Variants in KCNT1 observed in about 807,000 individuals in gnomAD.
The protein encoded by KCNT1 is potassium sodium-activated channel subfamily T member 1.
In KCNT1, 78 loss-of-function variants were observed where a neutral mutation model predicts 147.8. The ratio of observed to expected loss-of-function variants is 0.53; its 90% CI spans 0.44 to 0.64. The LOEUF (loss-of-function observed/expected upper bound fraction) is 0.64, where lower values mean the gene tolerates loss of function less well. KCNT1 is among the 30% of genes least tolerant of loss of function. The probability of loss-of-function intolerance (pLI) is 0.00; values close to 1 mark genes in which losing one functional copy is unlikely to be tolerated. For missense variants in KCNT1, 1,419 were observed against 1,750.3 expected (o/e 0.81, Z 3.38); for synonymous variants, 867 against 748.8 (o/e 1.16, Z -2.58).
chr9:135,759,649 C>T, intron 10 of KCNT1, 30 bp from the exon 11 acceptor site: 3 of 1,570,322 alleles, frequency 1.9e-6, no homozygotes, highest in Non-Finnish European at 2.6e-6. Context: ...TCCTGGGCCC[C>T]AGGCCGCCCC....
chr9:135,744,354 C>T lies in KCNT1; in HGVS notation c.255-5744C>T, dbSNP rs1313040839. 2.0e-5 allele frequency among the ~76,000 whole-genome samples: 3 copies of T among 152,226 alleles called. No individual in the cohort carries two copies. In the South Asian group the frequency reaches 6.2e-4, roughly 31 times the overall value. On this transcript the variant is annotated intron_variant, in intron 2 of 30. Coordinates refer to ENST00000371757, the MANE Select transcript of KCNT1 (RefSeq NM_020822.3). ...GGTGTGGGGGTGGGCACCATGAGAG[C>T]CCCTTTGCAGCACAAGGGCCTCCTC... is the stretch of plus-strand genomic sequence containing the variant.
intron 2 of KCNT1, chr9:135,742,924 G>T: frequency 1.5e-6 from 1 of 681,520 alleles, no homozygotes; most frequent in Non-Finnish European, 2.7e-6. Context: ...CTGCAGCTGG[G>T]CCAGGGCCAC....
chr9:135,727,490 A>T (rs1588273599), intron 2 of KCNT1, among the ~76,000 whole-genome samples: 1 of 132,708 alleles, frequency 7.5e-6, no homozygotes, highest in African/African-American at 2.9e-5. Context: ...CAGTTTCCCC[A>T]CTCTCTGCAG....
chr9:135,752,089 T>G lies in KCNT1; in HGVS notation c.434+1048T>G. On this transcript the variant is annotated intron_variant, in intron 4 of 30. Coordinates refer to ENST00000371757, the MANE Select transcript of KCNT1 (RefSeq NM_020822.3). This position sits in a 1 kb window ranked among gnomAD's most constrained non-coding sequence, Gnocchi z 5.1. ...GTCTGGTGCCGTTTATGCGTAAGAG[T>G]GCTCAGGCGCTGAGGGGCTCTGCAG... 1 of 268,838 alleles carries G rather than the reference T, an allele frequency of 3.7e-6. No homozygotes were observed. The highest frequency in any genetic ancestry group is 7.4e-6 in the Non-Finnish European group (1 of 134,954). 16.7% of individuals were successfully genotyped at this position (268,838 alleles called of 1,614,324 possible). A position where few individuals can be genotyped will look rare whatever the true frequency, so the allele number is the denominator to read the frequency against.
At chr9:135,788,033 G>A (rs1347237578) in intron 29 of KCNT1, 38 of 1,279,774 alleles carry the variant, frequency 3.0e-5, no homozygotes, top group Non-Finnish European at 3.8e-5. Context: ...CCGGCCGCCC[G>A]CACCTCGCTT....
rs761464076 is a variant in KCNT1, at chr9:135,770,273, CCCCTGGCCCCG to C, written c.1620-15_1620-5del. On this transcript the variant is annotated splice_polypyrimidine_tract_variant and intron_variant, in intron 16 of 30. Coordinates refer to ENST00000371757, the MANE Select transcript of KCNT1 (RefSeq NM_020822.3). ...GGCAGCCATGGCCGAGGGTGACGCTCCCCTGGCCCCGCCCTGGCCCACAGGGAGGGACAGGA... is the reference window on the plus strand; with the variant it reads ...GGCAGCCATGGCCGAGGGTGACGCTCCCCTGGCCCACAGGGAGGGACAGGA... 14 of 1,567,720 alleles carry C rather than the reference CCCCTGGCCCCG, an allele frequency of 8.9e-6. No homozygotes were observed. The highest frequency in any genetic ancestry group is 4.7e-5 in the South Asian group (4 of 85,044).
chr9:135,791,943 A>C, intron 30 of KCNT1, 62 bp downstream of exon 30: 1 of 1,610,692 alleles, frequency 6.2e-7, no homozygotes, highest in African/African-American at 1.3e-5. Context: ...CACTGGGGAG[A>C]TGAGGCCACA....
At chr9:135,776,689 C>A (rs1442065012) in intron 20 of KCNT1, among the ~76,000 whole-genome samples, 4 of 152,218 alleles carry the variant, frequency 2.6e-5, no homozygotes, top group African/African-American at 9.7e-5. Flanking sequence ...CCAGCATATT[C>A]TGTGGGTTAT....
intron 25 of KCNT1, among the ~76,000 whole-genome samples, 180 bp from the exon 26 acceptor site, chr9:135,784,355 G>A (rs1219008788): frequency 6.6e-6 from 1 of 152,168 alleles, no homozygotes; most frequent in African/African-American, 2.4e-5. Context: ...CCAGAACTCT[G>A]CCTGTGGGTC....
intron 18 of KCNT1, among the ~76,000 whole-genome samples, chr9:135,771,780 C>T (rs1258685522): frequency 6.6e-6 from 1 of 152,010 alleles, no homozygotes; most frequent in Non-Finnish European, 1.5e-5. Flanking sequence ...CCTCCCCAGC[C>T]AGGCCTTCCT....
Position 135,775,375 on chromosome 9 carries a change from TGCCTGTGAAA to T in KCNT1, c.2313_2322del (p.Val772ProfsTer28), listed in dbSNP as rs1338331917. The T allele has an allele frequency of 6.2e-7, 1 of 1,611,112 alleles. No homozygotes were observed. The highest frequency in any genetic ancestry group is 8.5e-7 in the Non-Finnish European group (1 of 1,178,676). ...AGCTCCCCAACCCTGTGCCACCTCC[TGCCTGTGAAA>T]GCCCCCTTCTGCTGCCTGCGGCTGG... On this transcript the variant is annotated frameshift_variant, in exon 20 of 31. Coordinates refer to ENST00000371757, the MANE Select transcript of KCNT1 (RefSeq NM_020822.3). LOFTEE classifies it high-confidence loss of function.
intron 9 of KCNT1, 89 bp downstream of exon 9, chr9:135,757,470 C>G: frequency 8.4e-7 from 1 of 1,191,940 alleles, no homozygotes; most frequent in African/African-American, 1.5e-5. Context: ...CGTAGCCTGC[C>G]ACGCCCCGGC....
At chr9:135,735,700 G>T (rs1415473795) in intron 2 of KCNT1, among the ~76,000 whole-genome samples, 1 of 152,162 alleles carries the variant, frequency 6.6e-6, no homozygotes, top group Non-Finnish European at 1.5e-5. Flanking sequence ...TGTTGGTTGG[G>T]GGAAGAAATA....
At chr9:135,748,894 G>A (rs1486863364) in intron 2 of KCNT1, among the ~76,000 whole-genome samples, 4 of 152,230 alleles carry the variant, frequency 2.6e-5, no homozygotes, top group East Asian at 3.8e-4. Context: ...GGCAGCGCCC[G>A]AGGGCTAAGG....
chr9:135,706,380 G>A (rs975578566), intron 1 of KCNT1, among the ~76,000 whole-genome samples: 3 of 152,264 alleles, frequency 2.0e-5, no homozygotes, highest in African/African-American at 7.2e-5. Context: ...GATTCCCACA[G>A]TGTTAATGTT....
At chr9:135,787,074 C>T (rs1834112868) in intron 29 of KCNT1, among the ~76,000 whole-genome samples, 1 of 152,176 alleles carries the variant, frequency 6.6e-6, no homozygotes, top group African/African-American at 2.4e-5. Context: ...GCCCTCCCAG[C>T]AGCCAGGGTA....
Position 135,770,073 on chromosome 9 carries a change from CG to C in KCNT1, c.1619+23del, listed in dbSNP as rs1564369749. ...CGCGGCCAGTGAGTGCCCCGTGCCC[CG>C]GGGGACCGACCTCCATGGCGGGGCC... On this transcript the variant is annotated intron_variant, in intron 16 of 30. Transcript: ENST00000371757. The C allele has an allele frequency of 1.3e-6, 2 of 1,540,870 alleles. No individual in the cohort carries two copies. Among genetic ancestry groups the C allele is most frequent in the Non-Finnish European group, 1.8e-6 (2 of 1,140,462 alleles).
chr9:135,705,381 C>T (rs1465116138), intron 1 of KCNT1, among the ~76,000 whole-genome samples: 2 of 152,236 alleles, frequency 1.3e-5, no homozygotes, highest in Non-Finnish European at 2.9e-5. Context: ...GTGAGGGATG[C>T]TGAACGGGTA....
Position 135,714,544 on chromosome 9 carries a change from C to G in KCNT1, c.111-33C>G. The stretch of plus-strand genomic sequence containing the variant: ...TGCGCGCGTCCGCGAGGGCGCCCGA[C>G]GCGGGCTGAGGGGCGCTGGCGTGTG... On this transcript the variant is annotated intron_variant, in intron 1 of 30. Transcript: ENST00000371757. The surrounding 1 kb of genome is among the most constrained non-coding windows in gnomAD (Gnocchi z 6.2). 1 of 1,065,984 alleles carries G rather than the reference C, an allele frequency of 9.4e-7. No homozygotes were observed. 66.0% of individuals were successfully genotyped at this position (1,065,984 alleles called of 1,614,324 possible).
Sources: allele counts gnomAD v4.1 joint callset (sites outside exome capture counted in the v4.1 genomes callset), GRCh38; gene constraint gnomAD v4.1.1; non-coding constraint Gnocchi (gnomAD v3.1); transcripts MANE v1.5; gene names NCBI Gene and HGNC (gene_info 2026-07-23, HGNC 2026-07-21).